IPO13: variants seen among roughly 807,000 people sequenced by gnomAD.
IPO13 encodes importin-13.
A neutral mutation model predicts 115.5 loss-of-function variants in IPO13; 28 were observed. The observed-to-expected ratio is 0.24, with a 90% CI of 0.18 to 0.33. The LOEUF (loss-of-function observed/expected upper bound fraction) is 0.33, where lower values mean the gene tolerates loss of function less well. Ranked by LOEUF, IPO13 falls within the 10% of genes least tolerant of loss-of-function variation. The pLI is 1.00. For synonymous variants in IPO13, 414 were observed against 478.9 expected (o/e 0.86, Z 1.77); for missense variants, 785 against 1,204.6 (o/e 0.65, Z 5.16).
Position 43,958,674 on chromosome 1 carries a change from A to G in IPO13, c.1885-72A>G. 6.2e-7 allele frequency: 1 copy of G among 1,612,208 alleles called. No individual in the cohort carries two copies. The highest frequency in any genetic ancestry group is 8.5e-7 in the Non-Finnish European group (1 of 1,178,600). On this transcript the variant is annotated intron_variant, in intron 10 of 19. Coordinates refer to ENST00000372343, the MANE Select transcript of IPO13 (RefSeq NM_014652.4). The surrounding 1 kb of genome is among the most constrained non-coding windows in gnomAD (Gnocchi z 6.3). ...GGGTGAGGTTGGAGCTGGCCCTCAG[A>G]GCTGAGGCTCAGTGATCTGGGGACC...
rs145382396 is a variant in IPO13 at position 43,954,130 on chromosome 1, C to T, written c.822-2190C>T. Among the ~76,000 whole-genome samples the T allele has an allele frequency of 1.7e-4, 26 of 152,300 alleles. No homozygotes were observed. In the East Asian group the frequency reaches 4.2e-3, roughly 25 times the overall value. ...ACAGTGGGGAGCTATGGGAGTAGAG[C>T]GCTACCTCCTGCACCCATCTCAGCT... On this transcript the variant is annotated intron_variant, in intron 2 of 19. Coordinates refer to ENST00000372343, the MANE Select transcript of IPO13 (RefSeq NM_014652.4).
intron 1 of IPO13, 106 bp from the exon 2 acceptor site, chr1:43,949,311 A>C: frequency 1.6e-6 from 2 of 1,216,360 alleles, no homozygotes; most frequent in Admixed American, 2.7e-5. Flanking sequence ...TCAGCCCCCC[A>C]GTCAGGGAGA....
chr1:43,947,018 G>A lies in IPO13; in HGVS notation c.-583G>A. On this transcript the variant is annotated 5_prime_UTR_variant, in exon 1 of 20. Transcript: ENST00000372343. ...GGGCTGTAGCCGGGCGTTGAGCACA[G>A]CGCGGGCCAGGCCGAACGGAAGGGA... 2.5e-6 allele frequency: 1 copy of A among 398,710 alleles called. No homozygotes were observed. Among genetic ancestry groups the A allele is most frequent in the South Asian group, 1.3e-4 (1 of 7,856 alleles). The allele number at this position is 398,710 out of a possible 1,614,324, so 24.7% of individuals were successfully genotyped here. A position where few individuals can be genotyped will look rare whatever the true frequency, so the allele number is the denominator to read the frequency against.
Position 43,960,332 on chromosome 1 carries a change from G to A in IPO13, c.2109+3G>A. ...TGAATGATGCCCAGGTTGTGGAGGT[G>A]AGCCCTGACCCTTGCCCTCCGCTCC... On this transcript the variant is annotated splice_donor_region_variant and intron_variant, in intron 12 of 19. Transcript: ENST00000372343. 6.2e-7 allele frequency: 1 copy of A among 1,613,848 alleles called. No individual in the cohort carries two copies. Among genetic ancestry groups the A allele is most frequent in the Non-Finnish European group, 8.5e-7 (1 of 1,179,728 alleles).
intron 12 of IPO13, among the ~76,000 whole-genome samples, chr1:43,960,556 A>G (rs1191123640): frequency 1.3e-5 from 2 of 152,218 alleles, no homozygotes; most frequent in Non-Finnish European, 2.9e-5. Flanking sequence ...ACAGTCAGGC[A>G]TCTGTTTTAG....
At position 43,949,513 on chromosome 1, in the gene IPO13, T is replaced by A; in HGVS notation, c.181T>A (p.Phe61Ile). 6.2e-7 allele frequency: 1 copy of A among 1,614,182 alleles called. No individual in the cohort carries two copies. The highest frequency in any genetic ancestry group is 8.5e-7 in the Non-Finnish European group (1 of 1,180,016). ...CCAGGTCTCCCCACAGGCCTGGCAC[T>A]TCAGCTGGCAGCTACTGCAGCCCGA... ...QAQVSPQAWHFSWQLLQPDKV... is the reference protein window; with the variant it reads ...QAQVSPQAWHISWQLLQPDKV... Residue 61 changes from phenylalanine to isoleucine, a missense_variant, in exon 2 of 20, where the codon TTC becomes ATC. Physicochemically the swap from Phe to Ile is conservative, Grantham distance 21. This residue lies in a region of IPO13 where 325 missense variants were observed against 449.8 expected (regional missense o/e 0.72). Coordinates refer to ENST00000372343, the MANE Select transcript of IPO13 (RefSeq NM_014652.4).
chr1:43,961,957 C>T (rs962585596), intron 14 of IPO13, among the ~76,000 whole-genome samples: 3 of 152,246 alleles, frequency 2.0e-5, no homozygotes, highest in East Asian at 1.9e-4. Flanking sequence ...TCAGGCTTCT[C>T]GTGTTGTCTA....
At position 43,948,953 on chromosome 1, in the gene IPO13, G is replaced by A. The variant is rs77418277; in HGVS notation, c.85-464G>A. Among the ~76,000 whole-genome samples the A allele has an allele frequency of 5.7e-3, 865 of 152,320 alleles. 7 individuals carry two copies. The highest frequency in any genetic ancestry group is 0.02 in the African/African-American group (825 of 41,564). On this transcript the variant is annotated intron_variant, in intron 1 of 19. Transcript: ENST00000372343. ...ACACTGGCTTTGGTGCCAGCATCTG[G>A]ACTGACCTAGGGATGATCCTGGGGG...
Position 43,960,985 on chromosome 1 carries a change from A to G in IPO13, c.2219A>G (p.Gln740Arg). 1 of 1,614,154 alleles carries G rather than the reference A, an allele frequency of 6.2e-7. No individual in the cohort carries two copies. Among genetic ancestry groups the G allele is most frequent in the Non-Finnish European group, 8.5e-7 (1 of 1,180,038 alleles). ...MLGRMYSTIP[Q>R]ASALDLTRQL... is the part of the protein sequence containing the mutation. ...GGTCGGATGTACAGCACCATCCCCC[A>G]GGCCTCTGCTCTTGACCTCACTCGA... is the stretch of plus-strand genomic sequence containing the variant. Residue 740 changes from glutamine to arginine, a missense_variant, in exon 13 of 20, where the codon CAG (glutamine) becomes CGG (arginine). Around this residue, in one of 3 missense-constraint regions of IPO13, gnomAD observed 285 missense variants for 394.8 expected, o/e 0.72. Coordinates refer to ENST00000372343, the MANE Select transcript of IPO13 (RefSeq NM_014652.4).
chr1:43,955,495 G>C (rs904367537), intron 2 of IPO13, among the ~76,000 whole-genome samples: 1 of 152,188 alleles, frequency 6.6e-6, no homozygotes, highest in East Asian at 1.9e-4. Context: ...ACCTGTAGGA[G>C]ACTCCGTCCT....
chr1:43,947,681 GA>G lies in IPO13; in HGVS notation c.83del (p.Lys28ArgfsTer22). On this transcript the variant is annotated frameshift_variant and splice_region_variant, in exon 1 of 20. Transcript: ENST00000372343. LOFTEE classifies it high-confidence loss of function. The stretch of plus-strand genomic sequence containing the variant: ...TGGACTTCACTGTGGAGAACGTGGA[GA>G]AGGTATGAGGGCTCTGGGGTGGGCA... ...ALDFTVENVE[K>X]ALHQLYYDPN... 2 of 1,317,834 alleles carry G rather than the reference GA, an allele frequency of 1.5e-6. No homozygotes were observed. The highest frequency in any genetic ancestry group is 9.8e-7 in the Non-Finnish European group (1 of 1,023,634). The allele number at this position is 1,317,834 out of a possible 1,614,324, so 81.6% of individuals were successfully genotyped here.
Position 43,958,733 on chromosome 1 carries a change from C to T in IPO13, c.1885-13C>T, listed in dbSNP as rs41492045. On this transcript the variant is annotated splice_polypyrimidine_tract_variant and intron_variant, in intron 10 of 19. Coordinates refer to ENST00000372343, the MANE Select transcript of IPO13 (RefSeq NM_014652.4). The surrounding 1 kb of genome is among the most constrained non-coding windows in gnomAD (Gnocchi z 6.3). ...GCTGGGAGATCTGGAGCTTGGTTTG[C>T]TTCTCCCTGCAGCCCAATCCCTCCA... is the stretch of plus-strand genomic sequence containing the variant. The T allele has an allele frequency of 0.017, 26,867 of 1,614,006 alleles. 292 individuals carry two copies. The highest frequency in any genetic ancestry group is 0.021 in the Non-Finnish European group (24,426 of 1,179,938).
intron 14 of IPO13, among the ~76,000 whole-genome samples, chr1:43,963,539 G>A (rs1032159381): frequency 1.3e-5 from 2 of 152,208 alleles, no homozygotes; most frequent in African/African-American, 4.8e-5. Context: ...TCTCTGCAGA[G>A]TCCATGTCCA....
intron 11 of IPO13, 139 bp from the exon 12 acceptor site, chr1:43,960,110 G>A (rs1370196486): frequency 1.4e-6 from 1 of 718,146 alleles, no homozygotes; most frequent in Non-Finnish European, 2.5e-6. Context: ...TTCCCCCAGG[G>A]GTCCCATGCC....
chr1:43,963,210 A>C (rs2085301235), intron 14 of IPO13, among the ~76,000 whole-genome samples: 1 of 152,226 alleles, frequency 6.6e-6, no homozygotes, highest in Non-Finnish European at 1.5e-5. Flanking sequence ...ACAGCTACTT[A>C]GTGGTGTCTT....
intron 11 of IPO13, 57 bp from the exon 12 acceptor site, chr1:43,960,192 T>A: frequency 6.4e-7 from 1 of 1,558,848 alleles, no homozygotes; most frequent in South Asian, 1.1e-5. Context: ...CAAGTCCTCC[T>A]CAAGTGGGTC....
chr1:43,952,023 G>A lies in IPO13; in HGVS notation c.821+1870G>A, dbSNP rs1238606215. ...AGAATATTTTGACTCCTTGAGTAAT[G>A]GGAGTTCTTTTGTGGTCTCTGCTAG... On this transcript the variant is annotated intron_variant, in intron 2 of 19. Coordinates refer to ENST00000372343, the MANE Select transcript of IPO13 (RefSeq NM_014652.4). The surrounding 1 kb of genome is among the most constrained non-coding windows in gnomAD (Gnocchi z 4.7). 6.6e-6 allele frequency among the ~76,000 whole-genome samples: 1 copy of A among 152,178 alleles called. No homozygotes were observed. The highest frequency in any genetic ancestry group is 1.5e-5 in the Non-Finnish European group (1 of 68,042).
In IPO13 at chr1:43,966,658, G is replaced by A. The variant is rs747365694; in HGVS notation, c.2464+17G>A. On this transcript the variant is annotated intron_variant, in intron 16 of 19. Transcript: ENST00000372343. This position sits in a 1 kb window ranked among gnomAD's most constrained non-coding sequence, Gnocchi z 4.1. The stretch of plus-strand genomic sequence containing the variant: ...TCCAGTGTGGTAAGTGGGGCGAGAT[G>A]GACAGGTGGGCCTGGGGCTCCCCTA... 8.7e-6 allele frequency: 14 copies of A among 1,614,134 alleles called. No homozygotes were observed. The highest frequency in any genetic ancestry group is 1.1e-5 in the South Asian group (1 of 91,090).
At chr1:43,964,165 C>T in intron 14 of IPO13, 104 bp from the exon 15 acceptor site, 1 of 741,950 alleles carries the variant, frequency 1.3e-6, no homozygotes, top group Non-Finnish European at 2.4e-6. Flanking sequence ...TGCTCATGTG[C>T]CCCCACGCTG....
Sources: gnomAD v4.1 joint callset for allele counts (sites outside exome capture counted in the v4.1 genomes callset) on GRCh38, gnomAD v4.1.1 for gene constraint, gnomAD v4.1.1 regional missense constraint, Gnocchi (gnomAD v3.1) non-coding constraint, MANE v1.5 for transcripts, NCBI Gene and HGNC (gene_info 2026-07-23, HGNC 2026-07-21) for gene names.